Variants in VPS13B observed in about 807,000 individuals in gnomAD.
VPS13B encodes vacuolar protein sorting 13 homolog B.
Under a neutral mutation model 426.4 loss-of-function variants are expected in VPS13B, and 285 were observed. That is an observed-to-expected ratio of 0.67 (90% CI 0.61 to 0.74). The LOEUF (loss-of-function observed/expected upper bound fraction) is 0.74, where lower values mean the gene tolerates loss of function less well. Ranked by LOEUF, VPS13B falls within the 30% of genes least tolerant of loss-of-function variation. VPS13B has a pLI of 0.00. For missense variants in VPS13B, 4,537 were observed against 4,782.6 expected, an observed-to-expected ratio of 0.95 and a Z score of 1.51; for synonymous variants, 1,676 against 1,676.4, an observed-to-expected ratio of 1.00 and a Z score of 0.01.
At chr8:99,063,809 C>A (rs1844327405) in intron 3 of VPS13B, among the ~76,000 whole-genome samples, 1 of 152,178 alleles carries the variant, frequency 6.6e-6, no homozygotes. Flanking sequence ...CTGGGAGACA[C>A]CTCCCAGTAG....
intron 43 of VPS13B, among the ~76,000 whole-genome samples, chr8:99,787,154 AAAC>A (rs1197574037): frequency 6.6e-6 from 1 of 152,188 alleles, no homozygotes; most frequent in African/African-American, 2.4e-5. Flanking sequence ...TAACTCCACT[AAAC>A]AATGTAGCTA....
At chr8:99,677,407 A>G (rs961508693) in intron 35 of VPS13B, among the ~76,000 whole-genome samples, 1 of 152,172 alleles carries the variant, frequency 6.6e-6, no homozygotes, top group Non-Finnish European at 1.5e-5. Flanking sequence ...TGTCAGTGCT[A>G]TATTATCATA....
chr8:99,415,397 T>G (rs1005155783), intron 21 of VPS13B, among the ~76,000 whole-genome samples: 4 of 152,064 alleles, frequency 2.6e-5, no homozygotes, highest in African/African-American at 9.7e-5. Context: ...ATTACCCACC[T>G]TCCGAAGCCT....
chr8:99,511,649 G>A, intron 29 of VPS13B, 137 bp downstream of exon 29: 2 of 828,906 alleles, frequency 2.4e-6, no homozygotes, highest in Non-Finnish European at 3.7e-6. Context: ...TTATAGAGAG[G>A]AAATATAGAT....
chr8:99,803,827 C>A (rs1272414812), intron 43 of VPS13B, among the ~76,000 whole-genome samples: 1 of 152,106 alleles, frequency 6.6e-6, no homozygotes, highest in South Asian at 2.1e-4. Flanking sequence ...AATTTCGATT[C>A]AATTGACTTT....
intron 58 of VPS13B, among the ~76,000 whole-genome samples, chr8:99,863,668 C>A (rs34336164): frequency 0.16 from 24,499 of 152,190 alleles, 2,596 homozygotes; most frequent in East Asian, 0.36. Flanking sequence ...AGTCACAAAT[C>A]AGCCCTGATG....
intron 11 of VPS13B, among the ~76,000 whole-genome samples, chr8:99,135,971 C>T (rs1378372615): frequency 6.6e-6 from 1 of 151,972 alleles, no homozygotes; most frequent in South Asian, 2.1e-4. Context: ...CAAAAATAAT[C>T]GTGGAGGAAA....
At chr8:99,634,220 C>CT (rs1010538814) in intron 33 of VPS13B, among the ~76,000 whole-genome samples, 2 of 151,022 alleles carry the variant, frequency 1.3e-5, no homozygotes, top group African/African-American at 2.4e-5. Flanking sequence ...GATACATATA[C>CT]TTTTTTTTTA....
chr8:99,382,688 A>C (rs866190261), intron 19 of VPS13B, among the ~76,000 whole-genome samples: 2 of 152,312 alleles, frequency 1.3e-5, no homozygotes, highest in Middle Eastern at 3.4e-3. Flanking sequence ...ACTTCACTGA[A>C]GTTCCTTATC....
chr8:99,383,721 G>C (rs1813963091), intron 19 of VPS13B, among the ~76,000 whole-genome samples: 2 of 152,188 alleles, frequency 1.3e-5, no homozygotes, highest in African/African-American at 4.8e-5. Flanking sequence ...TAAAATATAT[G>C]TTTTCTTTGT....
chr8:99,136,695 C>G lies in VPS13B; in HGVS notation c.1594C>G (p.Arg532Gly). The change falls in exon 12 of 62, where the codon CGG becomes GGG. Residue 532 changes from arginine (R) to glycine (G), a missense_variant. Around this residue, in one of 2 missense-constraint regions of VPS13B, gnomAD observed 4,311 missense variants for 4,474.3 expected, o/e 0.96. Coordinates refer to ENST00000357162, the MANE Select transcript of VPS13B (RefSeq NM_152564.5). ...ATACACTGAGATAGCTGGAATGCAA[C>G]GGTTTGGGGCTTTTTATATGGATTA... The part of the protein sequence containing the change: ...ETYTEIAGMQ[R>G]FGAFYMDYLY... 6.2e-7 allele frequency: 1 copy of G among 1,613,560 alleles called. No homozygotes were observed. Among genetic ancestry groups the G allele is most frequent in the Non-Finnish European group, 8.5e-7 (1 of 1,179,632 alleles).
chr8:99,512,391 C>A (rs1483615312), intron 29 of VPS13B, among the ~76,000 whole-genome samples: 3 of 152,112 alleles, frequency 2.0e-5, no homozygotes, highest in Admixed American at 2.0e-4. Flanking sequence ...AAGGTAATGA[C>A]CTTTATGCTT....
In VPS13B at chr8:99,832,438, A is replaced by G. The variant is rs138889735; in HGVS notation, c.9400A>G (p.Ser3134Gly). The part of the protein sequence containing the change: ...PGGEQPAMKS[S>G]SLPCWDLMPD... ...TGGAGAGCAGCCTGCTATGAAATCC[A>G]GCTCCCTTCCTTGCTGGGACTTGAT... is the stretch of plus-strand genomic sequence containing the variant. Residue 3134 changes from serine (S) to glycine (G), a missense_variant, in exon 52 of 62, where the codon AGC becomes GGC. Coordinates refer to ENST00000357162, the MANE Select transcript of VPS13B (RefSeq NM_152564.5). 39 of 1,596,744 alleles carry G rather than the reference A, an allele frequency of 2.4e-5. No homozygotes were observed. The highest frequency in any genetic ancestry group is 3.1e-5 in the Non-Finnish European group (37 of 1,174,852).
intron 19 of VPS13B, among the ~76,000 whole-genome samples, chr8:99,329,831 A>C (rs1810460350): frequency 6.6e-6 from 1 of 152,082 alleles, no homozygotes; most frequent in Non-Finnish European, 1.5e-5. Flanking sequence ...AAATGATAGC[A>C]TTCAGTATTC....
intron 19 of VPS13B, among the ~76,000 whole-genome samples, chr8:99,302,377 T>G (rs1820414909): frequency 6.6e-6 from 1 of 152,350 alleles, no homozygotes; most frequent in Admixed American, 6.5e-5. Context: ...CTACTGAACA[T>G]CAGCTTGGCT....
At chr8:99,032,470 T>C (rs905856849) in intron 2 of VPS13B, among the ~76,000 whole-genome samples, 38 of 152,016 alleles carry the variant, frequency 2.5e-4, no homozygotes, top group African/African-American at 9.2e-4. Context: ...ATTTTTGATG[T>C]TCTATTTTAA....
At chr8:99,621,437 G>A (rs1307405741) in intron 33 of VPS13B, among the ~76,000 whole-genome samples, 1 of 152,114 alleles carries the variant, frequency 6.6e-6, no homozygotes, top group Non-Finnish European at 1.5e-5. Context: ...CTTGTCCCCA[G>A]CAGGTTATCT....
At chr8:99,039,886 A>C (rs1006310433) in intron 3 of VPS13B, among the ~76,000 whole-genome samples, 1 of 152,180 alleles carries the variant, frequency 6.6e-6, no homozygotes, top group Non-Finnish European at 1.5e-5. Context: ...CATGAAAATG[A>C]AAAGTTACTT....
intron 19 of VPS13B, among the ~76,000 whole-genome samples, chr8:99,375,423 C>T (rs1813427466): frequency 6.6e-6 from 1 of 152,158 alleles, no homozygotes; most frequent in African/African-American, 2.4e-5. Context: ...ATAGAATTCC[C>T]TTGCAATTTC....
Sources: gnomAD v4.1 joint callset for allele counts (sites outside exome capture counted in the v4.1 genomes callset) on GRCh38, gnomAD v4.1.1 for gene constraint, gnomAD v4.1.1 regional missense constraint, MANE v1.5 for transcripts, NCBI Gene and HGNC (gene_info 2026-07-23, HGNC 2026-07-21) for gene names.